Variants in COL5A3 observed in about 807,000 individuals in gnomAD.
The protein encoded by COL5A3 is collagen type V alpha 3 chain.
In COL5A3, 172 loss-of-function variants were observed where a neutral mutation model predicts 250.0. The observed-to-expected ratio is 0.69, with a 90% CI of 0.61 to 0.78. COL5A3 has a LOEUF of 0.78. COL5A3 is among the 30% of genes least tolerant of loss of function. The probability of loss-of-function intolerance (pLI) is 0.00; values close to 1 mark genes in which losing one functional copy is unlikely to be tolerated. For missense variants in COL5A3, 2,340 were observed against 2,334.4 expected (o/e 1.00, Z -0.05); for synonymous variants, 937 against 900.4 (o/e 1.04, Z -0.73).
intron 16 of COL5A3, among the ~76,000 whole-genome samples, chr19:9,995,114 G>A (rs1049134809): frequency 6.6e-6 from 1 of 152,140 alleles, no homozygotes; most frequent in East Asian, 1.9e-4. Context: ...CCCCATGTTG[G>A]CCAGGTTGAT....
intron 1 of COL5A3, among the ~76,000 whole-genome samples, chr19:10,007,926 T>A (rs1448564731): frequency 1.3e-5 from 2 of 151,306 alleles, no homozygotes; most frequent in Non-Finnish European, 2.9e-5. Context: ...TCTTTCTCTC[T>A]CTCTCTCTCT....
chr19:9,970,632 G>T lies in COL5A3; in HGVS notation c.3926C>A (p.Pro1309His). The T allele has an allele frequency of 6.9e-7, 1 of 1,449,532 alleles. No homozygotes were observed. The highest frequency in any genetic ancestry group is 2.6e-5 in the East Asian group (1 of 38,230). The allele number at this position is 1,449,532 out of a possible 1,614,324, so 89.8% of individuals were successfully genotyped here. The change falls in exon 54 of 67, where the codon CCC (proline) becomes CAC (histidine). Residue 1309 changes from proline to histidine, a missense_variant. Physicochemically the swap from Pro to His is moderately conservative, Grantham distance 77. Coordinates refer to ENST00000264828, the MANE Select transcript of COL5A3 (RefSeq NM_015719.4). ...ASGEPGAPGP[P>H]GKRGPSGHMG... ...TGGCTTATCACTTACCCTCTTGCCG[G>T]GGGGCCCGGGGGCGCCGGGCTCCCC...
rs201992310 is a variant in COL5A3, at chr19:9,978,891, C to T, written c.2964G>A (p.Pro988=). ...FPGPKGGPGD[P]GPTGLKGDKG... is the part of the protein sequence containing the mutation. The stretch of plus-strand genomic sequence containing the variant: ...CAGGAGGGTCTCCAAAGATACTCAC[C>T]GGGTCCCCAGGGCCCCCTTTGGGGC... The change falls in exon 40 of 67, where the codon CCG becomes CCA. Residue 988 remains proline (P), a splice_region_variant and synonymous_variant. Transcript: ENST00000264828. The T allele has an allele frequency of 1.8e-4, 258 of 1,465,906 alleles. 1 individual carries two copies. The East Asian group carries it at 2.7e-3, about 15-fold the overall frequency. 90.8% of individuals were successfully genotyped at this position (1,465,906 alleles called of 1,614,324 possible).
chr19:10,006,350 AC>A, intron 1 of COL5A3, 119 bp from the exon 2 acceptor site: 1 of 946,458 alleles, frequency 1.1e-6, no homozygotes, highest in Non-Finnish European at 1.5e-6. Context: ...CCTCCCTCCC[AC>A]CATGTTTGTG....
intron 15 of COL5A3, 50 bp from the exon 16 acceptor site, chr19:9,995,667 G>T: frequency 7.2e-7 from 1 of 1,388,148 alleles, no homozygotes; most frequent in Non-Finnish European, 1.0e-6. Flanking sequence ...AAGAAAGAGG[G>T]ACTTATTCTA....
intron 61 of COL5A3, 47 bp downstream of exon 61, chr19:9,967,857 G>A (rs1219165196): frequency 6.3e-7 from 1 of 1,583,370 alleles, no homozygotes; most frequent in East Asian, 2.3e-5. Context: ...CAGTGAAGGG[G>A]GTGGGGAGCT....
chr19:10,008,297 C>T (rs909389344), intron 1 of COL5A3, among the ~76,000 whole-genome samples: 3 of 152,314 alleles, frequency 2.0e-5, no homozygotes, highest in East Asian at 3.9e-4. Flanking sequence ...AAGTCCTTCC[C>T]GGCATCCAAC....
chr19:9,979,627 T>C (rs2086976223), intron 37 of COL5A3, among the ~76,000 whole-genome samples: 1 of 151,858 alleles, frequency 6.6e-6, no homozygotes, highest in South Asian at 2.1e-4. Context: ...CCGTCTCTAC[T>C]AAAAATACAA....
intron 31 of COL5A3, among the ~76,000 whole-genome samples, chr19:9,985,541 T>C (rs2087087347): frequency 6.6e-6 from 1 of 152,092 alleles, no homozygotes. Context: ...ATTACAGCCA[T>C]GAGCCACTGC....
chr19:9,972,546 G>A (rs1182883576), intron 51 of COL5A3, among the ~76,000 whole-genome samples: 1 of 152,138 alleles, frequency 6.6e-6, no homozygotes, highest in Non-Finnish European at 1.5e-5. Context: ...TAGAAGTCTG[G>A]GAGAGTTTTG....
At chr19:9,961,622 G>A (rs1399252900) in intron 65 of COL5A3, among the ~76,000 whole-genome samples, 1 of 147,466 alleles carries the variant, frequency 6.8e-6, no homozygotes, top group East Asian at 2.0e-4. Flanking sequence ...GCAGTGGCAT[G>A]GTCTCAGCTC....
intron 64 of COL5A3, among the ~76,000 whole-genome samples, chr19:9,963,696 G>C (rs1340208770): frequency 1.3e-5 from 2 of 151,980 alleles, no homozygotes; most frequent in Non-Finnish European, 2.9e-5. Flanking sequence ...ACTGTGCCCA[G>C]CCTCAGCCTC....
chr19:9,961,663 T>A (rs957023485), intron 65 of COL5A3, among the ~76,000 whole-genome samples: 3 of 151,088 alleles, frequency 2.0e-5, no homozygotes, highest in Non-Finnish European at 2.9e-5. Flanking sequence ...GGTTCACGCC[T>A]TTCTCCTGCC....
chr19:9,993,928 C>G (rs553612832), intron 16 of COL5A3, 122 bp from the exon 17 acceptor site: 1 of 859,916 alleles, frequency 1.2e-6, no homozygotes, highest in East Asian at 2.5e-5. Context: ...CCTTCTGTCA[C>G]TCAGGTTGGA....
Position 9,970,680 on chromosome 19 carries a change from A to G in COL5A3, c.3883-5T>C. On this transcript the variant is annotated splice_region_variant and splice_polypyrimidine_tract_variant and intron_variant, in intron 53 of 66. Coordinates refer to ENST00000264828, the MANE Select transcript of COL5A3 (RefSeq NM_015719.4). The stretch of plus-strand genomic sequence containing the variant: ...CCCAGAAGCTCCAGGCGGACCCTGG[A>G]GGAGACAAGGACACCAGCTGTGGTC... The G allele has an allele frequency of 7.0e-7, 1 of 1,432,174 alleles. No homozygotes were observed. 88.7% of individuals were successfully genotyped at this position (1,432,174 alleles called of 1,614,324 possible). A position where few individuals can be genotyped will look rare whatever the true frequency, so the allele number is the denominator to read the frequency against.
intron 54 of COL5A3, 44 bp from the exon 55 acceptor site, chr19:9,969,966 G>A (rs2086805233): frequency 6.4e-7 from 1 of 1,568,562 alleles, no homozygotes; most frequent in Non-Finnish European, 8.8e-7. Context: ...GGCTGACTGA[G>A]GGTCAGAGGG....
At chr19:9,980,228 T>G (rs111360355) in intron 35 of COL5A3, among the ~76,000 whole-genome samples, 181 bp from the exon 36 acceptor site, 7,839 of 152,308 alleles carry the variant, frequency 0.051, 663 homozygotes, top group African/African-American at 0.17. Flanking sequence ...GGTTGGAGAC[T>G]GAGGTTACTC....
In COL5A3 at chr19:9,976,551, C is replaced by T. The variant is rs1031684115; in HGVS notation, c.3342+7G>A. ...CAGAGAAGGACTGAAAAGATGGGGG[C>T]ACTCACCGGGGGACCTGGGTGTCCT... On this transcript the variant is annotated splice_region_variant and intron_variant, in intron 45 of 66. Transcript: ENST00000264828. 1 of 1,563,244 alleles carries T rather than the reference C, an allele frequency of 6.4e-7. No homozygotes were observed. The highest frequency in any genetic ancestry group is 8.6e-7 in the Non-Finnish European group (1 of 1,161,580).
At chr19:9,979,335 C>G in intron 38 of COL5A3, 29 bp downstream of exon 38, 1 of 1,613,798 alleles carries the variant, frequency 6.2e-7, no homozygotes, top group Non-Finnish European at 8.5e-7. Context: ...TGGTACAAAA[C>G]AAGGGAGGTT....
Sources: gnomAD v4.1 joint callset for allele counts (sites outside exome capture counted in the v4.1 genomes callset) on GRCh38, gnomAD v4.1.1 for gene constraint, MANE v1.5 for transcripts, NCBI Gene and HGNC (gene_info 2026-07-23, HGNC 2026-07-21) for gene names.